Variants in AEBP2 observed in about 807,000 individuals in gnomAD.
AEBP2 encodes the protein AE binding protein 2, also known as zinc finger protein AEBP2.
Under a neutral mutation model 50.8 loss-of-function variants are expected in AEBP2, and 10 were observed. The observed-to-expected ratio is 0.20, with a 90% confidence interval of 0.12 to 0.33. The LOEUF is 0.33. Ranked by LOEUF, AEBP2 falls within the 10% of genes least tolerant of loss-of-function variation. The pLI, the probability that AEBP2 is intolerant of heterozygous loss-of-function variation, is 1.00. For synonymous variants in AEBP2, 296 were observed against 261.3 expected (o/e 1.13, Z -1.28); for missense variants, 570 against 688.0 (o/e 0.83, Z 1.92).
intron 7 of AEBP2, among the ~76,000 whole-genome samples, chr12:19,517,381 A>G (rs913536658): frequency 6.6e-6 from 1 of 152,218 alleles, no homozygotes; most frequent in Non-Finnish European, 1.5e-5. Context: ...TTCCACATCC[A>G]TGAATTCAAC....
At position 19,439,937 on chromosome 12, in the gene AEBP2, G is replaced by C. The variant is rs1308175921; in HGVS notation, c.238G>C (p.Glu80Gln). 7 of 1,516,686 alleles carry C rather than the reference G, an allele frequency of 4.6e-6. No individual in the cohort carries two copies. The highest frequency in any genetic ancestry group is 2.0e-5 in the Admixed American group (1 of 49,616). 94.0% of individuals were successfully genotyped at this position (1,516,686 alleles called of 1,614,324 possible). ...CGGAGGAGTGGGGGGCGGCGAGGCA[G>C]AGACGATGTCGGAGCCGAGCCCCGA... Reference protein sequence around the residue: ...GGGGVGGGEAETMSEPSPESA... With the variant: ...GGGGVGGGEAQTMSEPSPESA... Residue 80 changes from glutamate to glutamine, a missense_variant, in exon 1 of 8, where the codon GAG (glutamate) becomes CAG (glutamine). Glu to Gln is a conservative substitution (Grantham distance 29). Around this residue, in one of 2 missense-constraint regions of AEBP2, gnomAD observed 386 missense variants for 336.8 expected, o/e 1.15. Coordinates refer to ENST00000266508, the MANE Select transcript of AEBP2 (RefSeq NM_153207.5).
chr12:19,442,825 T>C (rs1947986382), intron 1 of AEBP2, among the ~76,000 whole-genome samples: 1 of 152,224 alleles, frequency 6.6e-6, no homozygotes, highest in African/African-American at 2.4e-5. Flanking sequence ...CCCAGTTATT[T>C]TGAGTTTGGA....
Position 19,515,236 on chromosome 12 carries a change from T to TAAATAATAAATAAAAATAATAATTTTTAA in AEBP2, c.1481+452_1481+453insAAATAATAAATAAAAATAATAATTTTTAA, listed in dbSNP as rs1565740060. ...TTTTTTAAGACATAGCTTAGAGTGT[T>TAAATAATAAATAAAAATAATAATTTTTAA]CACATTTCTAGTAATTTTATGTTTT... On this transcript the variant is annotated intron_variant, in intron 7 of 7. Coordinates refer to ENST00000266508, the MANE Select transcript of AEBP2 (RefSeq NM_153207.5). Among the ~76,000 whole-genome samples the TAAATAATAAATAAAAATAATAATTTTTAA allele has an allele frequency of 3.3e-5, 5 of 152,332 alleles. No individual in the cohort carries two copies. In the East Asian group the frequency reaches 9.6e-4, roughly 29 times the overall value.
chr12:19,463,659 A>G (rs1480479959), intron 2 of AEBP2, among the ~76,000 whole-genome samples: 10 of 144,744 alleles, frequency 6.9e-5, no homozygotes, highest in Non-Finnish European at 3.0e-5. Context: ...CAGTGATGTC[A>G]TACTTGAATT....
chr12:19,435,267 C>T (rs979205693), upstream of AEBP2, among the ~76,000 whole-genome samples: 13 of 142,432 alleles, frequency 9.1e-5, no homozygotes, highest in African/African-American at 3.4e-4. Flanking sequence ...CTGTGTGCCA[C>T]CATGACTGGC....
At chr12:19,504,824 A>T (rs1949132990) in intron 5 of AEBP2, among the ~76,000 whole-genome samples, 1 of 152,224 alleles carries the variant, frequency 6.6e-6, no homozygotes, top group African/African-American at 2.4e-5. Flanking sequence ...AGGTATCAGT[A>T]CATTCCACTC....
At chr12:19,455,192 T>C (rs1948245702) in intron 1 of AEBP2, among the ~76,000 whole-genome samples, 1 of 151,776 alleles carries the variant, frequency 6.6e-6, no homozygotes, top group Non-Finnish European at 1.5e-5. Flanking sequence ...AGGGTCTTGC[T>C]ATGTTGCCCA....
chr12:19,432,406 A>G (rs1177471500), intron 1 of AEBP2, among the ~76,000 whole-genome samples: 1 of 152,108 alleles, frequency 6.6e-6, no homozygotes, highest in Non-Finnish European at 1.5e-5. Flanking sequence ...TTGTATCCCA[A>G]ATTTTGGCAG....
intron 1 of AEBP2, among the ~76,000 whole-genome samples, chr12:19,420,462 T>C (rs928928824): frequency 2.0e-5 from 3 of 150,300 alleles, no homozygotes; most frequent in Non-Finnish European, 4.4e-5. Flanking sequence ...GCCTCCCAAG[T>C]AGCTGGGATT....
intron 1 of AEBP2, chr12:19,440,804 G>A (rs1375948855): frequency 6.6e-7 from 1 of 1,517,660 alleles, no homozygotes. Flanking sequence ...GGCTGGTCTC[G>A]CCTGGATTTA....
intron 1 of AEBP2, among the ~76,000 whole-genome samples, chr12:19,405,332 TA>T (rs2095735634): frequency 3.3e-5 from 5 of 151,706 alleles, no homozygotes; most frequent in South Asian, 2.1e-4. Context: ...TTTATTTACT[TA>T]TTTTTTTTTT....
At chr12:19,425,811 T>C (rs1565697784) in intron 1 of AEBP2, among the ~76,000 whole-genome samples, 1 of 151,750 alleles carries the variant, frequency 6.6e-6, no homozygotes, top group African/African-American at 2.4e-5. Flanking sequence ...TTAAAGGTAT[T>C]CAAGGTACGA....
Position 19,444,809 on chromosome 12 carries a change from T to G in AEBP2, c.671+4439T>G, listed in dbSNP as rs567753226. Among the ~76,000 whole-genome samples, 3 of 152,342 alleles carry G rather than the reference T, an allele frequency of 2.0e-5. No homozygotes were observed. The East Asian group carries it at 5.8e-4, about 29-fold the overall frequency. On this transcript the variant is annotated intron_variant, in intron 1 of 7. Transcript: ENST00000266508. ...TTTGCTTTTTTAGTATCTTTGTAAG[T>G]ACCTAACATAATATCTTGGGTGTGG...
chr12:19,474,112 G>A (rs1948613737), intron 3 of AEBP2, among the ~76,000 whole-genome samples: 1 of 152,168 alleles, frequency 6.6e-6, no homozygotes, highest in East Asian at 1.9e-4. Flanking sequence ...ACACTACTGA[G>A]CTTAGTTGTA....
At chr12:19,494,798 G>A (rs11044614) in intron 4 of AEBP2, among the ~76,000 whole-genome samples, 3,273 of 152,286 alleles carry the variant, frequency 0.021, 42 homozygotes, top group East Asian at 0.043. Flanking sequence ...TAGAAAATAA[G>A]TAGATGATAA....
At chr12:19,470,905 G>A (rs1948561995) in intron 2 of AEBP2, among the ~76,000 whole-genome samples, 1 of 152,180 alleles carries the variant, frequency 6.6e-6, no homozygotes, top group Non-Finnish European at 1.5e-5. Context: ...GAATGATGTT[G>A]ATATTGTTCC....
At chr12:19,479,684 C>T (rs12368830) in intron 3 of AEBP2, among the ~76,000 whole-genome samples, 1 of 22,940 alleles carries the variant, frequency 4.4e-5, no homozygotes, top group African/African-American at 1.1e-4. Flanking sequence ...TGGACTAATT[C>T]TTTTATTATT....
intron 3 of AEBP2, among the ~76,000 whole-genome samples, chr12:19,482,270 T>A (rs912849944): frequency 6.6e-6 from 1 of 152,112 alleles, no homozygotes; most frequent in East Asian, 1.9e-4. Context: ...CATCTTCAGG[T>A]CTCCGAGCTG....
intron 6 of AEBP2, among the ~76,000 whole-genome samples, chr12:19,513,484 G>A (rs774097669): frequency 2.6e-5 from 4 of 152,138 alleles, no homozygotes; most frequent in East Asian, 1.9e-4. Context: ...ATGGCTGGGC[G>A]CAGTGGTTTA....
Sources: gnomAD v4.1 joint callset for allele counts (sites outside exome capture counted in the v4.1 genomes callset) on GRCh38, gnomAD v4.1.1 for gene constraint, gnomAD v4.1.1 regional missense constraint, MANE v1.5 for transcripts, NCBI Gene and HGNC (gene_info 2026-07-23, HGNC 2026-07-21) for gene names.